The following SLC36A1 variants were observed in gnomAD, a reference collection of about 807,000 sequenced individuals.
The protein encoded by SLC36A1 is solute carrier family 36 member 1, also known as proton-coupled amino acid transporter 1.
In SLC36A1, 30 loss-of-function variants were observed where a neutral mutation model predicts 47.5. The observed-to-expected ratio is 0.63, with a 90% CI of 0.47 to 0.86. SLC36A1 has a LOEUF of 0.86. SLC36A1 is among the 40% of genes least tolerant of loss of function. The pLI is 0.00. For synonymous variants in SLC36A1, 255 were observed against 249.7 expected (o/e 1.02, Z -0.20); for missense variants, 517 against 606.0 (o/e 0.85, Z 1.54).
intron 1 of SLC36A1, among the ~76,000 whole-genome samples, chr5:151,450,525 G>A (rs1259861773): frequency 2.0e-5 from 3 of 151,212 alleles, no homozygotes; most frequent in African/African-American, 2.4e-5. Context: ...TAGCATGTGG[G>A]ATGGATGGAG....
intron 10 of SLC36A1, among the ~76,000 whole-genome samples, chr5:151,486,978 A>C (rs1330222069): frequency 6.6e-6 from 1 of 152,210 alleles, no homozygotes; most frequent in Non-Finnish European, 1.5e-5. Context: ...CCATCATGAC[A>C]TCTCTATGAT....
chr5:151,485,976 G>C (rs1287709483), intron 10 of SLC36A1, among the ~76,000 whole-genome samples: 3 of 152,220 alleles, frequency 2.0e-5, no homozygotes, highest in Non-Finnish European at 4.4e-5. Context: ...CAGGGTAAGT[G>C]TGAGGCAGGA....
chr5:151,405,300 G>A, the SLC36A1 span, among the ~76,000 whole-genome samples: 1 of 149,372 alleles, frequency 6.7e-6, no homozygotes, highest in Non-Finnish European at 1.5e-5. Flanking sequence ...TGACTTCCTT[G>A]GGTTGAGTTG....
the SLC36A1 span, among the ~76,000 whole-genome samples, chr5:151,395,316 T>C: frequency 0.039 from 5,937 of 152,222 alleles, 369 homozygotes; most frequent in African/African-American, 0.14. Context: ...CAGCTTCCCT[T>C]GGCTAGGAAA....
the SLC36A1 span, among the ~76,000 whole-genome samples, chr5:151,547,983 T>G: frequency 6.6e-6 from 1 of 152,204 alleles, no homozygotes; most frequent in Non-Finnish European, 1.5e-5. Flanking sequence ...ACTAATCTAA[T>G]CTGGAAAATA....
At chr5:151,409,723 A>G in the SLC36A1 span, among the ~76,000 whole-genome samples, 61,026 of 152,008 alleles carry the variant, frequency 0.4, 12,358 homozygotes, top group South Asian at 0.44. Context: ...TGAGTAGTTC[A>G]ATTGCGCTGG....
At chr5:151,453,647 A>G (rs1010176135) in intron 1 of SLC36A1, among the ~76,000 whole-genome samples, 10 of 152,170 alleles carry the variant, frequency 6.6e-5, no homozygotes, top group Admixed American at 1.3e-4. Context: ...TCTCAATTCT[A>G]TATCAAAATA....
rs2127551190 is a variant in SLC36A1 at position 151,488,473 on chromosome 5, A to G, written c.*219A>G. 2 of 600,492 alleles carry G rather than the reference A, an allele frequency of 3.3e-6. No homozygotes were observed. Among genetic ancestry groups the G allele is most frequent in the South Asian group, 4.1e-5 (2 of 48,950 alleles). The allele number at this position is 600,492 out of a possible 1,614,324, so 37.2% of individuals were successfully genotyped here. On this transcript the variant is annotated 3_prime_UTR_variant, in exon 11 of 11. Transcript: ENST00000243389. ...AAGTGCTACTAGTGACAGGGCTGCC[A>G]TCGCTCACCTGTACCTATTTACACC...
chr5:151,449,237 C>T (rs762597662), intron 1 of SLC36A1, among the ~76,000 whole-genome samples: 1 of 152,224 alleles, frequency 6.6e-6, no homozygotes, highest in Non-Finnish European at 1.5e-5. Flanking sequence ...ATACTAACAG[C>T]TGAAAATGAT....
At chr5:151,520,176 G>A in the SLC36A1 span, among the ~76,000 whole-genome samples, 39 of 152,234 alleles carry the variant, frequency 2.6e-4, no homozygotes, top group African/African-American at 9.2e-4. Flanking sequence ...CAGGCAGCTG[G>A]ACCCATAAAG....
At chr5:151,487,242 G>T (rs922285595) in intron 10 of SLC36A1, among the ~76,000 whole-genome samples, 1 of 152,184 alleles carries the variant, frequency 6.6e-6, no homozygotes, top group Non-Finnish European at 1.5e-5. Flanking sequence ...GCCTCCTCCT[G>T]CTTACAGCAC....
intron 8 of SLC36A1, 125 bp downstream of exon 8, chr5:151,473,896 A>C: frequency 1.3e-6 from 1 of 786,378 alleles, no homozygotes; most frequent in Non-Finnish European, 2.1e-6. Flanking sequence ...ATGGTGGCTC[A>C]CGCCTGTAAT....
chr5:151,447,875 C>G (rs1753054528), intron 1 of SLC36A1, 62 bp downstream of exon 1: 1 of 152,334 alleles, frequency 6.6e-6, no homozygotes, highest in Non-Finnish European at 1.5e-5. Flanking sequence ...CGGGCCGCAG[C>G]TGCGGTACGA....
chr5:151,359,738 T>C, the SLC36A1 span, among the ~76,000 whole-genome samples: 1 of 152,248 alleles, frequency 6.6e-6, no homozygotes, highest in Non-Finnish European at 1.5e-5. Context: ...TATAAATGGA[T>C]TCACACAACA....
Position 151,464,520 on chromosome 5 carries a change from C to A in SLC36A1, c.241C>A (p.Pro81Thr). 6.2e-7 allele frequency: 1 copy of A among 1,613,716 alleles called. No individual in the cohort carries two copies. Among genetic ancestry groups the A allele is most frequent in the Non-Finnish European group, 8.5e-7 (1 of 1,179,878 alleles). The change falls in exon 4 of 11, where the codon CCC (proline) becomes ACC (threonine). Residue 81 changes from proline (P) to threonine (T), a missense_variant. Pro to Thr is a conservative substitution (Grantham distance 38). Transcript: ENST00000243389. ...CTGCAATATCTGTCCCCAGATGGGT[C>A]CCATCAGCCTGCTGATCATAGGCAT... ...AVKNAGIVMG[P>T]ISLLIIGIVA...
the SLC36A1 span, among the ~76,000 whole-genome samples, chr5:151,363,343 C>G: frequency 6.6e-6 from 1 of 152,146 alleles, no homozygotes; most frequent in African/African-American, 2.4e-5. Context: ...TTTTCAAACA[C>G]TTGGTGCTGG....
intron 10 of SLC36A1, 39 bp downstream of exon 10, chr5:151,479,528 T>C: frequency 1.3e-6 from 2 of 1,597,544 alleles, no homozygotes; most frequent in Non-Finnish European, 1.7e-6. Flanking sequence ...TGTTTTTCCC[T>C]AAAGGGCACC....
At chr5:151,548,385 T>C in the SLC36A1 span, among the ~76,000 whole-genome samples, 3 of 152,152 alleles carry the variant, frequency 2.0e-5, no homozygotes, top group Non-Finnish European at 4.4e-5. Context: ...CTGGATATTA[T>C]CGCTTTTGTT....
At chr5:151,361,222 T>C in the SLC36A1 span, among the ~76,000 whole-genome samples, 1,196 of 152,326 alleles carry the variant, frequency 7.9e-3, 20 homozygotes, top group African/African-American at 0.027. Flanking sequence ...CTATGTGTAG[T>C]GAGCCTTAAA....
Sources: gnomAD v4.1 joint callset for allele counts (sites outside exome capture counted in the v4.1 genomes callset) on GRCh38, gnomAD v4.1.1 for gene constraint, MANE v1.5 for transcripts, NCBI Gene and HGNC (gene_info 2026-07-23, HGNC 2026-07-21) for gene names.